Variants in ASCC3 observed in about 807,000 individuals in gnomAD.
ASCC3 encodes the protein ASC-1 complex subunit P200.
ASCC3 carries 158 observed loss-of-function variants against 256.3 expected under a neutral mutation model. That is an observed-to-expected ratio of 0.62 (90% CI 0.54 to 0.70). ASCC3 has a LOEUF of 0.70. ASCC3 is among the 30% of genes least tolerant of loss of function. The pLI is 0.00. For missense variants in ASCC3, 2,259 were observed against 2,626.0 expected (o/e 0.86, Z 3.05); for synonymous variants, 948 against 883.4 (o/e 1.07, Z -1.30).
intron 10 of ASCC3, among the ~76,000 whole-genome samples, chr6:100,760,011 G>C (rs913514845): frequency 1.3e-5 from 2 of 152,114 alleles, no homozygotes; most frequent in African/African-American, 4.8e-5. Context: ...TTTGTATCCT[G>C]AGACTTTGCC....
intron 22 of ASCC3, 61 bp downstream of exon 22, chr6:100,646,554 A>G (rs1775387922): frequency 2.7e-6 from 4 of 1,509,066 alleles, no homozygotes; most frequent in Non-Finnish European, 3.7e-6. Context: ...GAACAGATGT[A>G]GTTGAGTCTG....
chr6:100,774,383 G>A (rs954984931), intron 8 of ASCC3, among the ~76,000 whole-genome samples: 2 of 150,296 alleles, frequency 1.3e-5, no homozygotes, highest in South Asian at 2.1e-4. Context: ...TTTTTTTTTC[G>A]GAGATGCACT....
intron 34 of ASCC3, among the ~76,000 whole-genome samples, chr6:100,597,585 A>G (rs572245133): frequency 6.6e-6 from 1 of 152,044 alleles, no homozygotes; most frequent in Non-Finnish European, 1.5e-5. Context: ...ATAGGGTTCT[A>G]CTTCAGAATA....
chr6:100,589,044 A>G (rs563128596), intron 36 of ASCC3, among the ~76,000 whole-genome samples: 2 of 152,322 alleles, frequency 1.3e-5, no homozygotes, highest in East Asian at 3.9e-4. Flanking sequence ...GACATTATGT[A>G]GAAGGAAAGG....
At chr6:100,616,080 T>C (rs1281635390) in intron 30 of ASCC3, among the ~76,000 whole-genome samples, 1 of 152,206 alleles carries the variant, frequency 6.6e-6, no homozygotes, top group Non-Finnish European at 1.5e-5. Flanking sequence ...CAACATCTAG[T>C]ACTAACTTCT....
In ASCC3 at chr6:100,856,481, A is replaced by G. The variant is rs1379740262; in HGVS notation, c.241+7583T>C. 3 of 880,214 alleles carry G rather than the reference A, an allele frequency of 3.4e-6. No homozygotes were observed. In the East Asian group the frequency reaches 3.6e-4, roughly 106 times the overall value. 54.5% of individuals were successfully genotyped at this position (880,214 alleles called of 1,614,324 possible). A position where few individuals can be genotyped will look rare whatever the true frequency, so the allele number is the denominator to read the frequency against. On this transcript the variant is annotated intron_variant, in intron 3 of 41. Coordinates refer to ENST00000369162, the MANE Select transcript of ASCC3 (RefSeq NM_006828.4). ...TCTATGTAATATAAAAATCATAGTA[A>G]TTCTTTTTATTGAATATAACAAGAA...
chr6:100,833,524 A>T (rs1296504692), intron 4 of ASCC3, among the ~76,000 whole-genome samples: 1 of 152,234 alleles, frequency 6.6e-6, no homozygotes, highest in African/African-American at 2.4e-5. Flanking sequence ...TACTACCCTA[A>T]TACAAGATGT....
chr6:100,526,613 CTG>C (rs1774589346), intron 37 of ASCC3, among the ~76,000 whole-genome samples: 1 of 152,174 alleles, frequency 6.6e-6, no homozygotes, highest in Admixed American at 6.5e-5. Flanking sequence ...TGCATCAACT[CTG>C]TATCACTTCC....
intron 4 of ASCC3, among the ~76,000 whole-genome samples, chr6:100,824,406 T>C (rs1159403048): frequency 1.3e-5 from 2 of 152,158 alleles, no homozygotes; most frequent in Non-Finnish European, 2.9e-5. Context: ...CTCATTCAAA[T>C]GAGAAACCAA....
chr6:100,547,174 G>A lies in ASCC3; in HGVS notation c.5551-6787C>T, dbSNP rs190761411. 2.2e-4 allele frequency among the ~76,000 whole-genome samples: 33 copies of A among 151,810 alleles called. No individual in the cohort carries two copies. In the East Asian group the frequency reaches 4.6e-3, roughly 21 times the overall value. On this transcript the variant is annotated intron_variant, in intron 36 of 41. Transcript: ENST00000369162. ...AGTAGAATAACTGGGTATCCATATG[G>A]CAAAAAAGAATCAACTTCAATCCTT...
intron 13 of ASCC3, among the ~76,000 whole-genome samples, chr6:100,710,341 C>G (rs1166998275): frequency 6.6e-6 from 1 of 152,124 alleles, no homozygotes; most frequent in Non-Finnish European, 1.5e-5. Context: ...TCTTCATGCC[C>G]TAGAGCAACC....
At chr6:100,578,120 T>C (rs752381140) in intron 36 of ASCC3, among the ~76,000 whole-genome samples, 1 of 152,030 alleles carries the variant, frequency 6.6e-6, no homozygotes, top group Admixed American at 6.6e-5. Flanking sequence ...AATATCATTC[T>C]GAAAACTACC....
At chr6:100,624,648 G>T (rs1412221914) in intron 30 of ASCC3, among the ~76,000 whole-genome samples, 1 of 151,742 alleles carries the variant, frequency 6.6e-6, no homozygotes, top group Non-Finnish European at 1.5e-5. Context: ...TCTATACTGA[G>T]AAAATAATTT....
intron 14 of ASCC3, among the ~76,000 whole-genome samples, chr6:100,678,267 T>C (rs987331404): frequency 2.6e-5 from 4 of 152,084 alleles, no homozygotes; most frequent in Admixed American, 6.5e-5. Context: ...TTAAACAGCA[T>C]AGAGTTGTTT....
At chr6:100,580,034 T>C (rs1453649273) in intron 36 of ASCC3, among the ~76,000 whole-genome samples, 1 of 152,126 alleles carries the variant, frequency 6.6e-6, no homozygotes, top group East Asian at 1.9e-4. Context: ...GTTATAGAGA[T>C]TTTTTATCTC....
intron 36 of ASCC3, among the ~76,000 whole-genome samples, chr6:100,553,906 G>A (rs76578409): frequency 8.6e-5 from 13 of 152,032 alleles, no homozygotes; most frequent in Non-Finnish European, 1.8e-4. Flanking sequence ...CTGATTTTTA[G>A]TTTACTGGGG....
Position 100,540,335 on chromosome 6 carries a change from T to C in ASCC3, c.5603A>G (p.Asn1868Ser), listed in dbSNP as rs746751736. The change falls in exon 37 of 42, where the codon AAT becomes AGT. Residue 1868 changes from asparagine (N) to serine (S), a missense_variant. Asn to Ser is a conservative substitution (Grantham distance 46). Transcript: ENST00000369162. The stretch of plus-strand genomic sequence containing the variant: ...GGGAAGACATTTTGCCAGTTCACTA[T>C]TCATATGATCTTCATTGTGTCTCAC... Reference protein sequence around the residue: ...LPVRHNEDHMNSELAKCLPIE... With the variant: ...LPVRHNEDHMSSELAKCLPIE... 5 of 1,613,990 alleles carry C rather than the reference T, an allele frequency of 3.1e-6. No homozygotes were observed. The highest frequency in any genetic ancestry group is 1.7e-5 in the Admixed American group (1 of 60,010).
At chr6:100,667,912 T>C (rs967225231) in intron 14 of ASCC3, among the ~76,000 whole-genome samples, 4 of 151,954 alleles carry the variant, frequency 2.6e-5, no homozygotes, top group African/African-American at 4.8e-5. Flanking sequence ...TAGGTAATCA[T>C]TGGTAGAACC....
At chr6:100,705,791 AAC>A (rs1778552661) in intron 13 of ASCC3, among the ~76,000 whole-genome samples, 1 of 151,996 alleles carries the variant, frequency 6.6e-6, no homozygotes, top group South Asian at 2.1e-4. Flanking sequence ...TTTGAAAAAT[AAC>A]AGTTTACGTA....
Sources: allele counts gnomAD v4.1 joint callset (sites outside exome capture counted in the v4.1 genomes callset), GRCh38; gene constraint gnomAD v4.1.1; transcripts MANE v1.5; gene names NCBI Gene and HGNC (gene_info 2026-07-23, HGNC 2026-07-21).